The following DLG2 variants were observed in gnomAD, a reference collection of about 807,000 sequenced individuals.
The protein encoded by DLG2 is discs large MAGUK scaffold protein 2.
DLG2 carries 45 observed loss-of-function variants against 132.5 expected under a neutral mutation model. The observed-to-expected ratio is 0.34, with a 90% CI of 0.27 to 0.44. The LOEUF (loss-of-function observed/expected upper bound fraction) is 0.44, where lower values mean the gene tolerates loss of function less well. Ranked by LOEUF, DLG2 falls within the 20% of genes least tolerant of loss-of-function variation. The pLI is 1.00. For missense variants in DLG2, 1,045 were observed against 1,196.9 expected (o/e 0.87, Z 1.87); for synonymous variants, 424 against 419.6 (o/e 1.01, Z -0.13).
At chr11:84,740,617 T>A (rs1357954006) in intron 6 of DLG2, among the ~76,000 whole-genome samples, 1 of 152,114 alleles carries the variant, frequency 6.6e-6, no homozygotes, top group East Asian at 1.9e-4. Flanking sequence ...GTGCTCCATC[T>A]TCATTCCACC....
chr11:84,200,778 G>A (rs1416043412), intron 8 of DLG2, among the ~76,000 whole-genome samples: 2 of 152,172 alleles, frequency 1.3e-5, no homozygotes, highest in East Asian at 3.9e-4. Flanking sequence ...GAATGCTAGT[G>A]AATTTTGCAC....
intron 9 of DLG2, among the ~76,000 whole-genome samples, chr11:84,144,663 A>G (rs1175377100): frequency 6.6e-6 from 1 of 152,184 alleles, no homozygotes; most frequent in African/African-American, 2.4e-5. Context: ...CTATTGAAAG[A>G]AACAACTCAG....
At chr11:85,615,466 G>A (rs776291531) in intron 2 of DLG2, among the ~76,000 whole-genome samples, 1 of 151,772 alleles carries the variant, frequency 6.6e-6, no homozygotes, top group Non-Finnish European at 1.5e-5. Context: ...GCAGTGAGCT[G>A]AGATCATGCC....
intron 18 of DLG2, among the ~76,000 whole-genome samples, chr11:83,729,762 T>C (rs754457804): frequency 2.0e-5 from 3 of 152,208 alleles, no homozygotes; most frequent in Admixed American, 6.5e-5. Context: ...CAAAGTTGAA[T>C]TGGCAGTCTT....
At chr11:84,868,677 G>C (rs552478072) in intron 6 of DLG2, among the ~76,000 whole-genome samples, 2 of 152,018 alleles carry the variant, frequency 1.3e-5, no homozygotes, top group African/African-American at 2.4e-5. Context: ...ATGATGAGTC[G>C]GGCAGACACA....
intron 6 of DLG2, among the ~76,000 whole-genome samples, chr11:85,048,311 G>T (rs984386758): frequency 6.6e-6 from 1 of 151,748 alleles, no homozygotes; most frequent in Non-Finnish European, 1.5e-5. Context: ...GGCTTAAATC[G>T]CTTAGAAATG....
chr11:85,405,871 GA>G (rs1255272681), intron 3 of DLG2, among the ~76,000 whole-genome samples: 2 of 151,926 alleles, frequency 1.3e-5, no homozygotes, highest in Non-Finnish European at 2.9e-5. Context: ...GTGAATCAGA[GA>G]AAGTCTCATT....
At chr11:84,676,418 T>C (rs1301681752) in intron 6 of DLG2, among the ~76,000 whole-genome samples, 2 of 152,048 alleles carry the variant, frequency 1.3e-5, no homozygotes, top group African/African-American at 2.4e-5. Flanking sequence ...GGTAAGAAAA[T>C]TGAAACCCAG....
intron 6 of DLG2, among the ~76,000 whole-genome samples, chr11:84,882,397 C>A (rs72951419): frequency 0.13 from 19,286 of 151,896 alleles, 1,668 homozygotes; most frequent in Non-Finnish European, 0.18. Context: ...TTTCTTTTTT[C>A]TCCCTTAAGA....
At chr11:84,616,107 G>A (rs1013252302) in intron 6 of DLG2, among the ~76,000 whole-genome samples, 10 of 151,992 alleles carry the variant, frequency 6.6e-5, no homozygotes, top group Admixed American at 2.0e-4. Context: ...GCAAAGGGGG[G>A]TCAGAGAAGG....
At chr11:84,084,796 T>C (rs943120118) in intron 10 of DLG2, among the ~76,000 whole-genome samples, 1 of 152,218 alleles carries the variant, frequency 6.6e-6, no homozygotes, top group African/African-American at 2.4e-5. Flanking sequence ...TCCCTCACCA[T>C]TGATATCTGA....
At chr11:85,259,461 T>C (rs544735057) in intron 4 of DLG2, among the ~76,000 whole-genome samples, 1 of 152,210 alleles carries the variant, frequency 6.6e-6, no homozygotes, top group African/African-American at 2.4e-5. Flanking sequence ...AACAAACTAA[T>C]ATACTGTGTT....
chr11:83,906,083 A>C (rs2625517), intron 15 of DLG2, among the ~76,000 whole-genome samples: 28,821 of 80,324 alleles, frequency 0.36, 2,886 homozygotes, highest in East Asian at 0.44. Context: ...CTCTCTCTCT[A>C]TATATATATA....
intron 6 of DLG2, among the ~76,000 whole-genome samples, chr11:84,619,966 T>G (rs12295461): frequency 0.013 from 1,925 of 151,136 alleles, 47 homozygotes; most frequent in African/African-American, 0.044. Context: ...AAAATGCACA[T>G]GAAAGAATAA....
intron 4 of DLG2, among the ~76,000 whole-genome samples, chr11:85,208,017 T>C (rs557557343): frequency 2.6e-5 from 4 of 152,216 alleles, no homozygotes; most frequent in African/African-American, 9.6e-5. Context: ...TTTATGCCTC[T>C]AGTAATAGTA....
chr11:84,624,558 T>C (rs75831753), intron 6 of DLG2, among the ~76,000 whole-genome samples: 2 of 152,070 alleles, frequency 1.3e-5, no homozygotes, highest in Admixed American at 6.5e-5. Context: ...GCTCAGGTAC[T>C]GTATGAGGTC....
At chr11:83,736,032 T>C (rs944933994) in intron 18 of DLG2, among the ~76,000 whole-genome samples, 1 of 152,220 alleles carries the variant, frequency 6.6e-6, no homozygotes, top group Non-Finnish European at 1.5e-5. Context: ...GATTGGACAG[T>C]ATAAAACTAC....
At chr11:85,443,567 A>T (rs1250720665) in intron 3 of DLG2, among the ~76,000 whole-genome samples, 1 of 152,232 alleles carries the variant, frequency 6.6e-6, no homozygotes, top group Non-Finnish European at 1.5e-5. Flanking sequence ...TGACTCTTAA[A>T]TGTGCTACAC....
chr11:84,235,419 A>T (rs1368846424), intron 8 of DLG2, among the ~76,000 whole-genome samples: 2 of 152,112 alleles, frequency 1.3e-5, no homozygotes, highest in Non-Finnish European at 2.9e-5. Flanking sequence ...CATTTTAAAG[A>T]TCTCTTCTCA....
Sources: gnomAD v4.1 joint callset for allele counts (sites outside exome capture counted in the v4.1 genomes callset) on GRCh38, gnomAD v4.1.1 for gene constraint, MANE v1.5 for transcripts, NCBI Gene and HGNC (gene_info 2026-07-23, HGNC 2026-07-21) for gene names.